The following ARHGAP5 variants were observed in gnomAD, a reference collection of about 807,000 sequenced individuals.
ARHGAP5 encodes rho GTPase-activating protein 5.
A neutral mutation model predicts 116.6 loss-of-function variants in ARHGAP5; 23 were observed. The ratio of observed to expected loss-of-function variants is 0.20; its 90% CI spans 0.14 to 0.28. The LOEUF is 0.28. ARHGAP5 is among the 10% of genes least tolerant of loss of function. The pLI is 1.00. For synonymous variants in ARHGAP5, 574 were observed against 602.0 expected (o/e 0.95, Z 0.68); for missense variants, 1,405 against 1,774.8 (o/e 0.79, Z 3.74).
chr14:32,095,208 C>G (rs1282767120), intron 2 of ARHGAP5, among the ~76,000 whole-genome samples: 1 of 152,044 alleles, frequency 6.6e-6, no homozygotes, highest in East Asian at 1.9e-4. Context: ...TATTTATTTT[C>G]TACAGCTGAC....
intron 2 of ARHGAP5, among the ~76,000 whole-genome samples, chr14:32,101,406 T>C (rs1878783540): frequency 6.6e-6 from 1 of 152,204 alleles, no homozygotes; most frequent in Non-Finnish European, 1.5e-5. Context: ...AATCTTAGGT[T>C]TAGCATTGAC....
At chr14:32,136,497 G>T (rs113529171) in intron 3 of ARHGAP5, among the ~76,000 whole-genome samples, 5,586 of 152,038 alleles carry the variant, frequency 0.037, 342 homozygotes, top group African/African-American at 0.12. Context: ...ATCACATTTA[G>T]CCGTTTATTC....
At position 32,091,180 on chromosome 14, in the gene ARHGAP5, A is replaced by C. The variant is rs749929316; in HGVS notation, c.511A>C (p.Arg171=). 3.1e-6 allele frequency: 5 copies of C among 1,613,550 alleles called. No individual in the cohort carries two copies. In the South Asian group the frequency reaches 5.5e-5, roughly 18 times the overall value. Residue 171 remains arginine (R), a synonymous_variant, in exon 2 of 7, where the codon AGG becomes CGG. Transcript: ENST00000345122. Reference sequence around the variant, plus strand: ...CATTGATGTAAGTCAAGGATGCAATAGGAAGTTTGATGATCAACTTAAATT... The same window carrying C: ...CATTGATGTAAGTCAAGGATGCAATCGGAAGTTTGATGATCAACTTAAATT... The part of the protein sequence containing the change: ...LCIDVSQGCN[R]KFDDQLKFVN...
intron 3 of ARHGAP5, among the ~76,000 whole-genome samples, chr14:32,121,122 A>G (rs529907277): frequency 4.6e-5 from 7 of 150,730 alleles, no homozygotes; most frequent in East Asian, 2.0e-4. Context: ...GGCTCAGGCA[A>G]TCCTCCCACC....
intron 1 of ARHGAP5, among the ~76,000 whole-genome samples, chr14:32,077,920 C>T (rs1393431213): frequency 6.6e-6 from 1 of 152,116 alleles, no homozygotes; most frequent in East Asian, 1.9e-4. Flanking sequence ...ACTTAAACGC[C>T]TTGTAGGGGG....
intron 3 of ARHGAP5, among the ~76,000 whole-genome samples, chr14:32,131,384 A>C (rs1388367957): frequency 2.6e-5 from 4 of 151,754 alleles, no homozygotes; most frequent in African/African-American, 9.7e-5. Context: ...AAAATGTGTC[A>C]TGTTAACCAT....
Position 32,091,302 on chromosome 14 carries a change from A to G in ARHGAP5, c.633A>G (p.Glu211=), listed in dbSNP as rs1400066024. ...CDECVDHYLR[E]VQAFASNKKN... The stretch of plus-strand genomic sequence containing the variant: ...AATGCGTGGATCATTATCTTAGAGA[A>G]GTTCAGGCATTTGCTTCAAATAAAA... The change falls in exon 2 of 7, where the codon GAA becomes GAG. Residue 211 remains glutamate, a synonymous_variant. Coordinates refer to ENST00000345122, the MANE Select transcript of ARHGAP5 (RefSeq NM_001030055.2). The G allele has an allele frequency of 6.2e-7, 1 of 1,613,392 alleles. No homozygotes were observed. Among genetic ancestry groups the G allele is most frequent in the Non-Finnish European group, 8.5e-7 (1 of 1,179,656 alleles).
At chr14:32,090,480 T>C in intron 1 of ARHGAP5, 22 bp from the exon 2 acceptor site, 1 of 521,736 alleles carries the variant, frequency 1.9e-6, no homozygotes, top group Non-Finnish European at 3.3e-6. Context: ...TAAGATTTGT[T>C]CTTTTTCTCC....
chr14:32,112,129 T>G (rs1045500268), intron 2 of ARHGAP5, among the ~76,000 whole-genome samples: 2 of 152,178 alleles, frequency 1.3e-5, no homozygotes, highest in Non-Finnish European at 2.9e-5. Context: ...TTTGATTTTT[T>G]TAATTTCAAG....
intron 6 of ARHGAP5, chr14:32,153,897 A>G (rs942746160): frequency 6.6e-6 from 1 of 152,118 alleles, no homozygotes; most frequent in Admixed American, 6.6e-5. Context: ...CAAAAAAAAA[A>G]AGGAAGAAAG....
chr14:32,133,910 G>C (rs535026704), intron 3 of ARHGAP5, among the ~76,000 whole-genome samples: 9 of 152,272 alleles, frequency 5.9e-5, no homozygotes, highest in Admixed American at 5.2e-4. Context: ...TATTGAACCA[G>C]CCTTGCATCC....
intron 2 of ARHGAP5, among the ~76,000 whole-genome samples, chr14:32,104,189 A>G (rs1303966893): frequency 1.3e-5 from 2 of 152,190 alleles, no homozygotes; most frequent in African/African-American, 2.4e-5. Context: ...CTGGGTAGAA[A>G]TCCACCCATT....
chr14:32,141,231 A>G (rs1278232077), intron 3 of ARHGAP5, among the ~76,000 whole-genome samples: 1 of 152,162 alleles, frequency 6.6e-6, no homozygotes, highest in East Asian at 1.9e-4. Flanking sequence ...TAGACTGTGT[A>G]TAGTTGGATG....
chr14:32,083,406 G>T (rs1470055927), intron 1 of ARHGAP5, among the ~76,000 whole-genome samples: 1 of 152,248 alleles, frequency 6.6e-6, no homozygotes, highest in African/African-American at 2.4e-5. Context: ...GAGTTGAGTA[G>T]TGTGACAGAC....
rs1175290637 is a variant in ARHGAP5, at chr14:32,157,509, C to T, written c.*2561C>T. 1 of 152,194 alleles carries T rather than the reference C, an allele frequency of 6.6e-6. No homozygotes were observed. The highest frequency in any genetic ancestry group is 2.4e-5 in the African/African-American group (1 of 41,406). The allele number at this position is 152,194 out of a possible 1,614,324, so 9.4% of individuals were successfully genotyped here. ...TTTAAGGTTCAGTGCTTATAGTTAA[C>T]TACAATATTGGACCTAACAGGATCT... On this transcript the variant is annotated 3_prime_UTR_variant, in exon 7 of 7. Transcript: ENST00000345122.
At chr14:32,119,926 G>C (rs1358284043) in intron 3 of ARHGAP5, among the ~76,000 whole-genome samples, 2 of 152,068 alleles carry the variant, frequency 1.3e-5, no homozygotes, top group Non-Finnish European at 1.5e-5. Flanking sequence ...ATTTTAGTCT[G>C]TAGTTTTCTT....
Position 32,149,988 on chromosome 14 carries a change from C to G in ARHGAP5, c.4030C>G (p.Pro1344Ala), listed in dbSNP as rs371837356. 3.0e-5 allele frequency: 49 copies of G among 1,608,084 alleles called. No individual in the cohort carries two copies. The highest frequency in any genetic ancestry group is 3.8e-5 in the Non-Finnish European group (45 of 1,177,260). The change falls in exon 5 of 7, where the codon CCT (proline) becomes GCT (alanine). Residue 1344 changes from proline (P) to alanine (A), a missense_variant. Coordinates refer to ENST00000345122, the MANE Select transcript of ARHGAP5 (RefSeq NM_001030055.2). The part of the protein sequence containing the change: ...LKAFFADLPD[P>A]LIPYSLHPEL... The stretch of plus-strand genomic sequence containing the variant: ...AGCTTTCTTTGCAGATCTGCCAGAT[C>G]CTTTAATTCCATATTCTCTTCATCC...
chr14:32,117,606 G>GT (rs1165359099), intron 3 of ARHGAP5, among the ~76,000 whole-genome samples: 13 of 152,284 alleles, frequency 8.5e-5, no homozygotes, highest in African/African-American at 2.6e-4. Context: ...GGTTTGAATA[G>GT]TGTGGAAGTT....
chr14:32,090,547 G>A lies in ARHGAP5; in HGVS notation c.-123G>A. The A allele has an allele frequency of 1.2e-6, 1 of 841,004 alleles. No individual in the cohort carries two copies. The highest frequency in any genetic ancestry group is 1.9e-5 in the South Asian group (1 of 53,462). The allele number at this position is 841,004 out of a possible 1,614,324, so 52.1% of individuals were successfully genotyped here. ...TGAAGATGTTTCTGCACAGAAATGA[G>A]GGAAATACAAAGAACCAAATACAGT... On this transcript the variant is annotated 5_prime_UTR_variant, in exon 2 of 7. Transcript: ENST00000345122.
Sources: allele counts gnomAD v4.1 joint callset (sites outside exome capture counted in the v4.1 genomes callset), GRCh38; gene constraint gnomAD v4.1.1; transcripts MANE v1.5; gene names NCBI Gene and HGNC (gene_info 2026-07-23, HGNC 2026-07-21).